RSRC1: variants seen among roughly 807,000 people sequenced by gnomAD.
The protein encoded by RSRC1 is serine/Arginine-related protein 53.
In RSRC1, 39 loss-of-function variants were observed where a neutral mutation model predicts 49.1. That is an observed-to-expected ratio of 0.79 (90% CI 0.61 to 1.04). The LOEUF (loss-of-function observed/expected upper bound fraction) is 1.04, where lower values mean the gene tolerates loss of function less well. Among genes scored for constraint, RSRC1 ranks in the 50% least tolerant of loss-of-function variants. The pLI is 0.00. For missense variants in RSRC1, 388 were observed against 402.4 expected, an observed-to-expected ratio of 0.96 and a Z score of 0.31; for synonymous variants, 143 against 130.8, an observed-to-expected ratio of 1.09 and a Z score of -0.63.
chr3:158,118,750 C>T (rs1420903169), intron 1 of RSRC1, among the ~76,000 whole-genome samples: 1 of 152,100 alleles, frequency 6.6e-6, no homozygotes, highest in Non-Finnish European at 1.5e-5. Context: ...AAAATGTTTA[C>T]AGAAAAATGT....
rs571324077 is a variant in RSRC1, at chr3:158,210,913, G to C, written c.494+7668G>C. Among the ~76,000 whole-genome samples, 4 of 152,106 alleles carry C rather than the reference G, an allele frequency of 2.6e-5. No individual in the cohort carries two copies. In the South Asian group the frequency reaches 8.3e-4, roughly 32 times the overall value. ...TTTGACTTGAATTATGCCTGATAAC[G>C]TCTTAAATGGCATGAATTGTAGGTT... On this transcript the variant is annotated intron_variant, in intron 4 of 9. Transcript: ENST00000611884.
chr3:158,432,249 T>C (rs1735805471), intron 6 of RSRC1, among the ~76,000 whole-genome samples: 1 of 151,984 alleles, frequency 6.6e-6, no homozygotes, highest in Non-Finnish European at 1.5e-5. Flanking sequence ...GAATTGGCCC[T>C]GACAGTCTGA....
intron 4 of RSRC1, among the ~76,000 whole-genome samples, chr3:158,253,978 A>G (rs1724379039): frequency 1.3e-5 from 2 of 152,060 alleles, no homozygotes; most frequent in African/African-American, 4.8e-5. Flanking sequence ...AAGTGTTCTC[A>G]TTGTTCAATT....
chr3:158,241,796 T>A (rs1021945340), intron 4 of RSRC1, among the ~76,000 whole-genome samples: 2 of 152,062 alleles, frequency 1.3e-5, no homozygotes, highest in Non-Finnish European at 2.9e-5. Context: ...CTTGAAAGTC[T>A]GTATCTTAAA....
intron 1 of RSRC1, among the ~76,000 whole-genome samples, chr3:158,115,301 C>G (rs1714724466): frequency 6.6e-6 from 1 of 152,092 alleles, no homozygotes; most frequent in Admixed American, 6.5e-5. Flanking sequence ...CCTGTTCTCT[C>G]TTTTTGGTCA....
At chr3:158,440,108 A>G (rs1736300231) in intron 6 of RSRC1, among the ~76,000 whole-genome samples, 1 of 152,136 alleles carries the variant, frequency 6.6e-6, no homozygotes, top group Non-Finnish European at 1.5e-5. Flanking sequence ...CGTTCTACTC[A>G]TGTGTCCCAG....
intron 4 of RSRC1, among the ~76,000 whole-genome samples, chr3:158,263,174 C>T (rs1724992089): frequency 6.6e-6 from 1 of 152,016 alleles, no homozygotes; most frequent in Non-Finnish European, 1.5e-5. Context: ...TTAGTAGATT[C>T]CTTTTGACAG....
intron 3 of RSRC1, among the ~76,000 whole-genome samples, chr3:158,141,852 C>G (rs1423121510): frequency 6.6e-6 from 1 of 152,168 alleles, no homozygotes; most frequent in Non-Finnish European, 1.5e-5. Context: ...AATCCCAGCA[C>G]TTTGGGAGGC....
intron 3 of RSRC1, among the ~76,000 whole-genome samples, chr3:158,129,635 G>A (rs376539955): frequency 5.3e-5 from 8 of 152,142 alleles, no homozygotes; most frequent in Admixed American, 1.3e-4. Context: ...TACCTCTGTC[G>A]AAAACCAGCT....
intron 6 of RSRC1, among the ~76,000 whole-genome samples, chr3:158,437,612 G>T (rs1293520459): frequency 6.6e-6 from 1 of 152,034 alleles, no homozygotes; most frequent in East Asian, 1.9e-4. Flanking sequence ...AAATTCAACA[G>T]CTCTTCATGC....
At chr3:158,201,722 A>T (rs1418276389) in intron 3 of RSRC1, among the ~76,000 whole-genome samples, 1 of 152,076 alleles carries the variant, frequency 6.6e-6, no homozygotes, top group Non-Finnish European at 1.5e-5. Flanking sequence ...TTCTATTGAG[A>T]TTGCTTAACT....
At chr3:158,270,630 A>G (rs1725462583) in intron 4 of RSRC1, among the ~76,000 whole-genome samples, 1 of 152,194 alleles carries the variant, frequency 6.6e-6, no homozygotes. Context: ...CCTTAACATT[A>G]TTGTCATTTT....
At chr3:158,494,164 A>C (rs1187485039) in intron 7 of RSRC1, among the ~76,000 whole-genome samples, 1 of 152,164 alleles carries the variant, frequency 6.6e-6, no homozygotes, top group African/African-American at 2.4e-5. Flanking sequence ...TACTCTCACA[A>C]ACCTAGGTGG....
rs557752226 is a variant in RSRC1, at chr3:158,493,953, A to C, written c.652+32950A>C. 2.0e-5 allele frequency among the ~76,000 whole-genome samples: 3 copies of C among 152,344 alleles called. No individual in the cohort carries two copies. In the East Asian group the frequency reaches 5.8e-4, roughly 29 times the overall value. ...TTTATAAATATCCAAGGAAGTAAAA[A>C]CAAGAAAGATTTAAGACTAGAATAA... is the stretch of plus-strand genomic sequence containing the variant. On this transcript the variant is annotated intron_variant, in intron 7 of 9. Coordinates refer to ENST00000611884, the MANE Select transcript of RSRC1 (RefSeq NM_001271838.2).
chr3:158,230,638 A>G lies in RSRC1; in HGVS notation c.494+27393A>G, dbSNP rs539956755. The stretch of plus-strand genomic sequence containing the variant: ...ACATACTGTCTTATTAGAAGATGCT[A>G]TATTTTAAAACTTACCTAAAGAGTT... On this transcript the variant is annotated intron_variant, in intron 4 of 9. Coordinates refer to ENST00000611884, the MANE Select transcript of RSRC1 (RefSeq NM_001271838.2). 1.4e-4 allele frequency among the ~76,000 whole-genome samples: 22 copies of G among 152,304 alleles called. 1 individual carries two copies. In the South Asian group the frequency reaches 2.5e-3, roughly 17 times the overall value.
intron 7 of RSRC1, among the ~76,000 whole-genome samples, chr3:158,470,500 T>TG (rs1010709592): frequency 1.3e-5 from 2 of 151,896 alleles, no homozygotes; most frequent in Non-Finnish European, 2.9e-5. Flanking sequence ...AAGATGATGG[T>TG]GGGGGGTGGG....
At chr3:158,439,693 T>A (rs1578480068) in intron 6 of RSRC1, among the ~76,000 whole-genome samples, 1 of 152,076 alleles carries the variant, frequency 6.6e-6, no homozygotes, top group East Asian at 1.9e-4. Flanking sequence ...AGGGATAGCA[T>A]TAGGAGAAAT....
At chr3:158,123,214 T>G (rs1578106372) in intron 2 of RSRC1, among the ~76,000 whole-genome samples, 1 of 151,982 alleles carries the variant, frequency 6.6e-6, no homozygotes, top group East Asian at 1.9e-4. Flanking sequence ...ACCATGTTGG[T>G]CAGGCTGGTC....
At chr3:158,147,237 A>G (rs1465543299) in intron 3 of RSRC1, among the ~76,000 whole-genome samples, 1 of 148,460 alleles carries the variant, frequency 6.7e-6, no homozygotes, top group African/African-American at 2.5e-5. Context: ...ACATAATGCC[A>G]TTATTATTTT....
Sources: allele counts gnomAD v4.1 joint callset (sites outside exome capture counted in the v4.1 genomes callset), GRCh38; gene constraint gnomAD v4.1.1; transcripts MANE v1.5; gene names NCBI Gene and HGNC (gene_info 2026-07-23, HGNC 2026-07-21).